Variants in ZFC3H1 observed in about 807,000 individuals in gnomAD.
ZFC3H1 encodes the protein zinc finger C3H1-type containing, also known as zinc finger C3H1 domain-containing protein.
Under a neutral mutation model 243.7 loss-of-function variants are expected in ZFC3H1, and 71 were observed. That is an observed-to-expected ratio of 0.29 (90% CI 0.24 to 0.36). ZFC3H1 has a LOEUF of 0.36. ZFC3H1 is among the 10% of genes least tolerant of loss of function. The probability of loss-of-function intolerance (pLI) is 1.00; values close to 1 mark genes in which losing one functional copy is unlikely to be tolerated. For missense variants in ZFC3H1, 1,966 were observed against 2,317.1 expected (o/e 0.85, Z 3.11); for synonymous variants, 838 against 813.0 (o/e 1.03, Z -0.52).
chr12:71,626,490 C>T (rs755571376), intron 21 of ZFC3H1, 44 bp from the exon 22 acceptor site: 2 of 1,515,048 alleles, frequency 1.3e-6, no homozygotes, highest in Non-Finnish European at 1.8e-6. Context: ...TTAGAACCTG[C>T]TTGAAAATTT....
chr12:71,649,462 T>C (rs916710235), intron 2 of ZFC3H1, among the ~76,000 whole-genome samples: 3 of 152,238 alleles, frequency 2.0e-5, no homozygotes, highest in Non-Finnish European at 4.4e-5. Context: ...ACACTTTTTT[T>C]CTCCATTTCA....
rs925305237 is a variant in ZFC3H1, at chr12:71,625,470, T to C, written c.4317+790A>G. On this transcript the variant is annotated intron_variant, in intron 22 of 34. Transcript: ENST00000378743. The stretch of plus-strand genomic sequence containing the variant: ...ACTTCAGGAGGCCCAGGCAGGAGGA[T>C]TGCATGAGCCCAAGAGTTCAAGACC... 8.5e-5 allele frequency among the ~76,000 whole-genome samples: 13 copies of C among 152,186 alleles called. No homozygotes were observed. The East Asian group carries it at 1.7e-3, about 20-fold the overall frequency.
chr12:71,633,199 T>C (rs1880368991), intron 13 of ZFC3H1, 65 bp downstream of exon 13: 1 of 1,479,552 alleles, frequency 6.8e-7, no homozygotes, highest in Admixed American at 2.5e-5. Flanking sequence ...TGGTTTGTCT[T>C]ACAGAAAATT....
intron 2 of ZFC3H1, among the ~76,000 whole-genome samples, chr12:71,650,274 A>G (rs1880848104): frequency 6.6e-6 from 1 of 151,764 alleles, no homozygotes; most frequent in African/African-American, 2.4e-5. Flanking sequence ...AGTCCGTCTC[A>G]AAAAAAAATT....
At chr12:71,626,747 A>T (rs1880177747) in intron 21 of ZFC3H1, among the ~76,000 whole-genome samples, 2 of 152,232 alleles carry the variant, frequency 1.3e-5, no homozygotes, top group South Asian at 4.1e-4. Flanking sequence ...TTATGTCCAT[A>T]TTCAGCAATA....
In ZFC3H1 at chr12:71,663,153, C is replaced by A. The variant is rs1253953967; in HGVS notation, c.458G>T (p.Gly153Val). ...TCGCCCCCGACTCCAGCGACTCCCA[C>A]CCCGGTAAGGCCTGCCTCGAAAGCG... is the stretch of plus-strand genomic sequence containing the variant. ...RFRFRGRPYR[G>V]GSRWSRGRGV... The change falls in exon 1 of 35, where the codon GGT (glycine) becomes GTT (valine). Residue 153 changes from glycine to valine, a missense_variant. Around this residue, in one of 4 missense-constraint regions of ZFC3H1, gnomAD observed 484 missense variants for 449.7 expected, o/e 1.08. Transcript: ENST00000378743. 6.2e-7 allele frequency: 1 copy of A among 1,614,096 alleles called. No individual in the cohort carries two copies. Among genetic ancestry groups the A allele is most frequent in the South Asian group, 1.1e-5 (1 of 91,080 alleles).
intron 22 of ZFC3H1, among the ~76,000 whole-genome samples, chr12:71,624,961 C>G (rs1042483452): frequency 3.3e-5 from 5 of 151,934 alleles, no homozygotes; most frequent in Admixed American, 3.3e-4. Context: ...AGCGAGACTC[C>G]GTCTCAAAAA....
At position 71,636,879 on chromosome 12, in the gene ZFC3H1, G is replaced by A. The variant is rs1475028663; in HGVS notation, c.1906C>T (p.Leu636=). ...MLLREELLKS[L]ANKRAFKPEE... is the part of the protein sequence containing the mutation. ...GGCTTAAAAGCTCTTTTATTTGCTA[G>A]AGATTTAAGTAGTTCTTCTCGAAGC... The change falls in exon 8 of 35, where the codon CTA becomes TTA. Residue 636 remains leucine, a synonymous_variant. Coordinates refer to ENST00000378743, the MANE Select transcript of ZFC3H1 (RefSeq NM_144982.5). 1.2e-6 allele frequency: 2 copies of A among 1,613,936 alleles called. No individual in the cohort carries two copies. Among genetic ancestry groups the A allele is most frequent in the East Asian group, 2.2e-5 (1 of 44,860 alleles).
rs531631173 is a variant in ZFC3H1, at chr12:71,656,416, A to G, written c.1015+469T>C. 3 of 565,030 alleles carry G rather than the reference A, an allele frequency of 5.3e-6. 1 individual carries two copies. The African/African-American group carries it at 5.7e-5, about 11-fold the overall frequency. 35.0% of individuals were successfully genotyped at this position (565,030 alleles called of 1,614,324 possible). On this transcript the variant is annotated intron_variant, in intron 2 of 34. Coordinates refer to ENST00000378743, the MANE Select transcript of ZFC3H1 (RefSeq NM_144982.5). ...TGGTTTAATACTAGAAATAAATTATATAATTCATTACACTAACAAATTAAA... is the reference window on the plus strand; with the variant it reads ...TGGTTTAATACTAGAAATAAATTATGTAATTCATTACACTAACAAATTAAA...
chr12:71,662,431 T>A (rs1273930127), intron 1 of ZFC3H1, among the ~76,000 whole-genome samples: 2 of 149,502 alleles, frequency 1.3e-5, no homozygotes, highest in African/African-American at 2.5e-5. Flanking sequence ...TCCAAAAAGA[T>A]CAAATGAATC....
chr12:71,614,951 T>G lies in ZFC3H1; in HGVS notation c.5256-13A>C. On this transcript the variant is annotated splice_polypyrimidine_tract_variant and intron_variant, in intron 28 of 34. Coordinates refer to ENST00000378743, the MANE Select transcript of ZFC3H1 (RefSeq NM_144982.5). ...AGGATGACAAAGGCTGTTTAAAAAA[T>G]GAAGGAAAACATATGTCTATCATTC... 1 of 1,595,264 alleles carries G rather than the reference T, an allele frequency of 6.3e-7. No homozygotes were observed. The highest frequency in any genetic ancestry group is 2.2e-5 in the East Asian group (1 of 44,730).
intron 24 of ZFC3H1, among the ~76,000 whole-genome samples, chr12:71,622,471 C>A (rs1411580960): frequency 4.0e-5 from 6 of 148,200 alleles, no homozygotes; most frequent in Non-Finnish European, 9.0e-5. Context: ...TTTTTTTTTT[C>A]TTTTTTTTAG....
At chr12:71,662,530 T>A (rs2137570630) in intron 1 of ZFC3H1, among the ~76,000 whole-genome samples, 1 of 123,306 alleles carries the variant, frequency 8.1e-6, no homozygotes. Flanking sequence ...GCAACCGGAA[T>A]AAATCAAGAT....
chr12:71,642,218 T>C (rs1031296859), intron 6 of ZFC3H1, among the ~76,000 whole-genome samples: 1 of 152,182 alleles, frequency 6.6e-6, no homozygotes. Flanking sequence ...GTTTTTTAAT[T>C]TAAAGGCTAT....
intron 27 of ZFC3H1, among the ~76,000 whole-genome samples, chr12:71,617,358 A>G (rs184446813): frequency 6.6e-6 from 1 of 152,358 alleles, no homozygotes; most frequent in East Asian, 1.9e-4. Flanking sequence ...TGTCTAAATA[A>G]GCTATAAACA....
intron 6 of ZFC3H1, among the ~76,000 whole-genome samples, chr12:71,640,127 T>C (rs561116325): frequency 2.6e-5 from 4 of 152,286 alleles, no homozygotes; most frequent in African/African-American, 9.6e-5. Context: ...GTTCAAGCGA[T>C]TCTCCTGCCT....
intron 31 of ZFC3H1, 42 bp from the exon 32 acceptor site, chr12:71,611,929 G>GT: frequency 2.3e-6 from 3 of 1,300,866 alleles, no homozygotes; most frequent in Non-Finnish European, 3.3e-6. Flanking sequence ...CATTGCAAGT[G>GT]TAACGAACCC....
In ZFC3H1 at chr12:71,629,044, T is replaced by C; in HGVS notation, c.3827-7A>G. On this transcript the variant is annotated splice_polypyrimidine_tract_variant and splice_region_variant and intron_variant, in intron 19 of 34. Transcript: ENST00000378743. Reference sequence around the variant, plus strand: ...TAGGTTGTAAATGGAGGAGCTAAAGTAGATAGGAGAAGATTGTTAATTGAT... The same window carrying C: ...TAGGTTGTAAATGGAGGAGCTAAAGCAGATAGGAGAAGATTGTTAATTGAT... The C allele has an allele frequency of 3.1e-6, 5 of 1,593,886 alleles. No homozygotes were observed. Among genetic ancestry groups the C allele is most frequent in the Admixed American group, 1.8e-5 (1 of 55,150 alleles).
In ZFC3H1 at chr12:71,634,203, A is replaced by G; in HGVS notation, c.2462T>C (p.Met821Thr). 1 of 1,614,024 alleles carries G rather than the reference A, an allele frequency of 6.2e-7. No individual in the cohort carries two copies. Among genetic ancestry groups the G allele is most frequent in the Non-Finnish European group, 8.5e-7 (1 of 1,179,970 alleles). The change falls in exon 12 of 35, where the codon ATG (methionine) becomes ACG (threonine). Residue 821 changes from methionine to threonine, a missense_variant. Met to Thr is a moderately conservative substitution (Grantham distance 81). Coordinates refer to ENST00000378743, the MANE Select transcript of ZFC3H1 (RefSeq NM_144982.5). ...VEIDGIGRIAMVTKQVTDAES... is the reference protein window; with the variant it reads ...VEIDGIGRIATVTKQVTDAES... ...TGCATCTGTAACCTGCTTAGTAACCATTGCTATCCTGCCAATACCATCAAT... is the reference window on the plus strand; with the variant it reads ...TGCATCTGTAACCTGCTTAGTAACCGTTGCTATCCTGCCAATACCATCAAT...
Sources: gnomAD v4.1 joint callset for allele counts (sites outside exome capture counted in the v4.1 genomes callset) on GRCh38, gnomAD v4.1.1 for gene constraint, gnomAD v4.1.1 regional missense constraint, MANE v1.5 for transcripts, NCBI Gene and HGNC (gene_info 2026-07-23, HGNC 2026-07-21) for gene names.